Variants in GALK2 observed in about 807,000 individuals in gnomAD.
The protein encoded by GALK2 is galactokinase 2.
GALK2 carries 36 observed loss-of-function variants against 52.4 expected under a neutral mutation model. The ratio of observed to expected loss-of-function variants is 0.69; its 90% CI spans 0.53 to 0.91. GALK2 has a LOEUF of 0.91. Ranked by LOEUF, GALK2 falls within the 40% of genes least tolerant of loss-of-function variation. The pLI, the probability that GALK2 is intolerant of heterozygous loss-of-function variation, is 0.00. For synonymous variants in GALK2, 176 were observed against 199.1 expected (o/e 0.88, Z 0.98); for missense variants, 579 against 559.1 (o/e 1.04, Z -0.36).
intron 3 of GALK2, among the ~76,000 whole-genome samples, chr15:49,354,967 C>T (rs972102834): frequency 1.3e-5 from 2 of 151,916 alleles, no homozygotes; most frequent in African/African-American, 2.4e-5. Flanking sequence ...GAGGCACCCC[C>T]CAGCAGGGGC....
chr15:49,322,996 C>T (rs925819594), intron 9 of GALK2, among the ~76,000 whole-genome samples: 15 of 147,522 alleles, frequency 1.0e-4, no homozygotes, highest in African/African-American at 3.7e-4. Flanking sequence ...AAAAAGATGT[C>T]TGGAAAGTAA....
downstream of GALK2, among the ~76,000 whole-genome samples, chr15:49,333,199 A>T (rs2151160423): frequency 6.6e-6 from 1 of 152,232 alleles, no homozygotes; most frequent in South Asian, 2.1e-4. Flanking sequence ...TGACCCATTA[A>T]AGTGTACAGT....
At chr15:49,295,055 A>G (rs2034336994) in intron 8 of GALK2, among the ~76,000 whole-genome samples, 1 of 152,138 alleles carries the variant, frequency 6.6e-6, no homozygotes, top group Admixed American at 6.6e-5. Flanking sequence ...GAAGAGCCTG[A>G]AGTAGGATAG....
At chr15:49,196,106 G>A (rs1177323348) in intron 1 of GALK2, among the ~76,000 whole-genome samples, 3 of 152,010 alleles carry the variant, frequency 2.0e-5, no homozygotes, top group African/African-American at 2.4e-5. Flanking sequence ...TAAAACCGCA[G>A]GCTTTGAATT....
chr15:49,286,244 C>A (rs1293227954), intron 7 of GALK2, among the ~76,000 whole-genome samples: 1 of 152,158 alleles, frequency 6.6e-6, no homozygotes, highest in Admixed American at 6.5e-5. Context: ...ACTCTTATAT[C>A]CCTAATGCTT....
At chr15:49,249,063 T>A (rs1478231053) in intron 5 of GALK2, among the ~76,000 whole-genome samples, 9 of 152,202 alleles carry the variant, frequency 5.9e-5, no homozygotes, top group Non-Finnish European at 8.8e-5. Flanking sequence ...TACACAGTAT[T>A]CAAATAATTA....
intron 3 of GALK2, among the ~76,000 whole-genome samples, chr15:49,360,005 C>T (rs1015699012): frequency 2.7e-5 from 4 of 145,602 alleles, no homozygotes; most frequent in Non-Finnish European, 4.5e-5. Flanking sequence ...AACCAAACAC[C>T]GCATATTCTC....
intron 1 of GALK2, among the ~76,000 whole-genome samples, chr15:49,200,437 C>T (rs2087639849): frequency 6.6e-6 from 1 of 152,120 alleles, no homozygotes; most frequent in African/African-American, 2.4e-5. Context: ...AGCATCTTTG[C>T]AAATGTAATG....
chr15:49,366,454 AT>A (rs1001189803), intron 3 of GALK2: 16 of 973,206 alleles, frequency 1.6e-5, no homozygotes, highest in Non-Finnish European at 2.5e-5. Context: ...CAGGAGGAAC[AT>A]CAGAAAGGTT....
At chr15:49,316,974 T>G (rs574042211) in intron 8 of GALK2, among the ~76,000 whole-genome samples, 81 of 152,238 alleles carry the variant, frequency 5.3e-4, no homozygotes, top group African/African-American at 1.9e-3. Context: ...GGGCTGATAG[T>G]AGGGTGGAAA....
At position 49,331,631 on chromosome 15, in the gene GALK2, T is replaced by G; in HGVS notation, c.*3472T>G. ...TATGTAAAACAGATTTTCTTACATG[T>G]GCATGTAGATGATTAAGTAACAAGA... On this transcript the variant is annotated 3_prime_UTR_variant, in exon 10 of 10. Coordinates refer to ENST00000560031, the MANE Select transcript of GALK2 (RefSeq NM_002044.4). The G allele has an allele frequency of 6.8e-6, 4 of 590,624 alleles. No individual in the cohort carries two copies. Among genetic ancestry groups the G allele is most frequent in the South Asian group, 4.5e-5 (2 of 44,000 alleles). The allele number at this position is 590,624 out of a possible 1,614,324, so 36.6% of individuals were successfully genotyped here.
At chr15:49,354,334 C>G (rs2042717399) in intron 3 of GALK2, among the ~76,000 whole-genome samples, 1 of 152,176 alleles carries the variant, frequency 6.6e-6, no homozygotes, top group Non-Finnish European at 1.5e-5. Context: ...ATCTGAGGTA[C>G]CGGGTTCATC....
chr15:49,277,781 T>C (rs2032072570), intron 5 of GALK2, among the ~76,000 whole-genome samples: 1 of 150,482 alleles, frequency 6.6e-6, no homozygotes, highest in Non-Finnish European at 1.5e-5. Flanking sequence ...GCGGACAGAG[T>C]GAGACTCCGT....
intron 5 of GALK2, among the ~76,000 whole-genome samples, chr15:49,265,028 G>C (rs2092303317): frequency 1.3e-5 from 2 of 152,310 alleles, no homozygotes; most frequent in South Asian, 4.1e-4. Flanking sequence ...TCAGGGGTCA[G>C]GGACCCACTT....
intron 1 of GALK2, among the ~76,000 whole-genome samples, chr15:49,188,152 T>C (rs2086490149): frequency 6.6e-6 from 1 of 152,178 alleles, no homozygotes; most frequent in South Asian, 2.1e-4. Context: ...TTCTTTCTCT[T>C]CAAGGCAGTA....
intron 5 of GALK2, among the ~76,000 whole-genome samples, chr15:49,244,315 G>A (rs1485627523): frequency 1.3e-5 from 2 of 152,004 alleles, no homozygotes; most frequent in East Asian, 3.9e-4. Flanking sequence ...CTCACTGGGT[G>A]TTTGGTATAA....
At chr15:49,217,386 A>C in intron 3 of GALK2, 73 bp downstream of exon 3, 1 of 1,386,922 alleles carries the variant, frequency 7.2e-7, no homozygotes, top group Non-Finnish European at 9.7e-7. Context: ...TTTAGGAGAC[A>C]TCAAATTTGT....
chr15:49,166,482 G>A (rs2141159109), upstream of GALK2, among the ~76,000 whole-genome samples: 1 of 152,222 alleles, frequency 6.6e-6, no homozygotes, highest in South Asian at 2.1e-4. Flanking sequence ...ACTTTGGGAG[G>A]CCGAGGCAGG....
intron 3 of GALK2, among the ~76,000 whole-genome samples, chr15:49,340,364 T>C (rs1000265382): frequency 2.0e-5 from 3 of 149,574 alleles, no homozygotes; most frequent in African/African-American, 4.9e-5. Context: ...GAGAGGGAGT[T>C]CCCCGGCCCC....
Sources: gnomAD v4.1 joint callset for allele counts (sites outside exome capture counted in the v4.1 genomes callset) on GRCh38, gnomAD v4.1.1 for gene constraint, MANE v1.5 for transcripts, NCBI Gene and HGNC (gene_info 2026-07-23, HGNC 2026-07-21) for gene names.